Variants in SEC61B observed in about 807,000 individuals in gnomAD.
SEC61B encodes protein transport protein Sec61 subunit beta.
In SEC61B, 7 loss-of-function variants were observed where a neutral mutation model predicts 12.6. That is an observed-to-expected ratio of 0.55 (90% confidence interval 0.32 to 1.04). The LOEUF is 1.04. Among genes scored for constraint, SEC61B ranks in the 50% least tolerant of loss-of-function variants. The probability of loss-of-function intolerance (pLI) is 0.05; values close to 1 mark genes in which losing one functional copy is unlikely to be tolerated. For synonymous variants in SEC61B, 54 were observed against 50.1 expected (o/e 1.08, Z -0.33); for missense variants, 107 against 130.1 (o/e 0.82, Z 0.86).
intron 3 of SEC61B, among the ~76,000 whole-genome samples, chr9:99,228,911 A>G (rs1000847576): frequency 2.6e-5 from 4 of 152,322 alleles, no homozygotes; most frequent in Non-Finnish European, 5.9e-5. Context: ...ATTAAGTCCT[A>G]TGCTCTTTGC....
Position 99,222,605 on chromosome 9 carries a change from A to T in SEC61B, c.63A>T (p.Ala21=). Residue 21 remains alanine (A), a synonymous_variant, in exon 2 of 4, where the codon GCA becomes GCT. Transcript: ENST00000223641. ...CCTCAGGGCGCTCTCCCAGCAAAGCAGTGGCCGCCCGGGCGGCGGGATCCA... is the reference window on the plus strand; with the variant it reads ...CCTCAGGGCGCTCTCCCAGCAAAGCTGTGGCCGCCCGGGCGGCGGGATCCA... ...VGSSGRSPSK[A]VAARAAGSTV... 1 of 1,551,388 alleles carries T rather than the reference A, an allele frequency of 6.4e-7. No individual in the cohort carries two copies.
At chr9:99,225,035 T>G (rs1303149786) in intron 2 of SEC61B, among the ~76,000 whole-genome samples, 1 of 152,172 alleles carries the variant, frequency 6.6e-6, no homozygotes, top group South Asian at 2.1e-4. Flanking sequence ...ACTGTAAAGG[T>G]GTGAAGTGCC....
At chr9:99,226,852 T>C (rs1226036266) in intron 2 of SEC61B, among the ~76,000 whole-genome samples, 1 of 152,160 alleles carries the variant, frequency 6.6e-6, no homozygotes, top group Non-Finnish European at 1.5e-5. Flanking sequence ...GTGTATTACA[T>C]AGTGTATCTT....
intron 2 of SEC61B, among the ~76,000 whole-genome samples, chr9:99,224,358 C>T (rs1021151196): frequency 6.6e-6 from 1 of 152,138 alleles, no homozygotes; most frequent in African/African-American, 2.4e-5. Context: ...GTCCCCTTCC[C>T]ACCCTGGGTT....
intron 1 of SEC61B, 29 bp from the exon 2 acceptor site, chr9:99,222,517 C>T (rs369364624): frequency 1.9e-6 from 3 of 1,603,182 alleles, no homozygotes; most frequent in East Asian, 4.5e-5. Context: ...GCCGCGCTCA[C>T]CCGTCTGTCT....
intron 2 of SEC61B, among the ~76,000 whole-genome samples, chr9:99,227,520 G>A (rs1828912894): frequency 6.6e-6 from 1 of 152,164 alleles, no homozygotes; most frequent in Admixed American, 6.5e-5. Flanking sequence ...AGGAGAAAGT[G>A]AAATGCTTTG....
At position 99,229,399 on chromosome 9, in the gene SEC61B, A is replaced by G. The variant is rs549696147; in HGVS notation, c.204-938A>G. ...GAGTGCAATGGCATGATCATAGCTC[A>G]TTGTAGTCTTGAATTCCTGGGCTCA... is the stretch of plus-strand genomic sequence containing the variant. On this transcript the variant is annotated intron_variant, in intron 3 of 3. Coordinates refer to ENST00000223641, the MANE Select transcript of SEC61B (RefSeq NM_006808.3). 9.2e-5 allele frequency among the ~76,000 whole-genome samples: 14 copies of G among 152,212 alleles called. No individual in the cohort carries two copies. The South Asian group carries it at 2.3e-3, about 25-fold the overall frequency.
At position 99,222,295 on chromosome 9, in the gene SEC61B, G is replaced by A; in HGVS notation, c.-69G>A. ...GGGGCCTGAGTCAGTCTCGCCAGCT[G>A]CCGGTCTTTCGGGGGCTCCGTAACT... On this transcript the variant is annotated 5_prime_UTR_variant, in exon 1 of 4. Transcript: ENST00000223641. 3 of 1,612,700 alleles carry A rather than the reference G, an allele frequency of 1.9e-6. No homozygotes were observed. The highest frequency in any genetic ancestry group is 1.1e-5 in the South Asian group (1 of 91,068).
intron 2 of SEC61B, among the ~76,000 whole-genome samples, chr9:99,223,335 A>AC (rs200362833): frequency 0.063 from 9,397 of 148,834 alleles, 357 homozygotes; most frequent in South Asian, 0.098. Context: ...AAACAAACAA[A>AC]AAAAAAAAAC....
intron 3 of SEC61B, among the ~76,000 whole-genome samples, 183 bp downstream of exon 3, chr9:99,228,183 C>T (rs1016614307): frequency 2.0e-5 from 3 of 152,066 alleles, no homozygotes; most frequent in Non-Finnish European, 4.4e-5. Context: ...ATTGTAGGGC[C>T]GGGAATGACA....
At chr9:99,228,979 T>C (rs557673095) in intron 3 of SEC61B, among the ~76,000 whole-genome samples, 1 of 152,370 alleles carries the variant, frequency 6.6e-6, no homozygotes, top group East Asian at 1.9e-4. Context: ...GGATTAGTTT[T>C]AATTAATTTG....
Position 99,230,436 on chromosome 9 carries a change from T to A in SEC61B, c.*12T>A, listed in dbSNP as rs200364807. The A allele has an allele frequency of 1.6e-3, 2,420 of 1,553,626 alleles. 5 individuals are homozygous for A. The highest frequency in any genetic ancestry group is 3.6e-3 in the South Asian group (319 of 88,356). On this transcript the variant is annotated 3_prime_UTR_variant, in exon 4 of 4. Coordinates refer to ENST00000223641, the MANE Select transcript of SEC61B (RefSeq NM_006808.3). ...ACACTCGTTCGTAGATTCAGTTACA[T>A]CCATCTGTCATCTGAAGAAGGAGGA...
rs1828832882 is a variant in SEC61B, at chr9:99,222,309, G to A, written c.-55G>A. The A allele has an allele frequency of 1.2e-6, 2 of 1,613,926 alleles. No homozygotes were observed. Among genetic ancestry groups the A allele is most frequent in the African/African-American group, 1.3e-5 (1 of 75,008 alleles). On this transcript the variant is annotated 5_prime_UTR_variant, in exon 1 of 4. Coordinates refer to ENST00000223641, the MANE Select transcript of SEC61B (RefSeq NM_006808.3). ...TCTCGCCAGCTGCCGGTCTTTCGGG[G>A]GCTCCGTAACTTTCTATCCGTCCGC...
Position 99,222,560 on chromosome 9 carries a change from C to T in SEC61B, c.18C>T (p.Pro6=), listed in dbSNP as rs538436264. 1.3e-6 allele frequency: 2 copies of T among 1,578,530 alleles called. No homozygotes were observed. Among genetic ancestry groups the T allele is most frequent in the East Asian group, 2.3e-5 (1 of 42,600 alleles). ...TCCCTCTACAGCCTGGTCCGACCCC[C>T]AGTGGCACTAACGTGGGATCCTCAG... is the stretch of plus-strand genomic sequence containing the variant. MPGPT[P]SGTNVGSSGR... Residue 6 remains proline (P), a synonymous_variant, in exon 2 of 4, where the codon CCC becomes CCT. Coordinates refer to ENST00000223641, the MANE Select transcript of SEC61B (RefSeq NM_006808.3).
intron 3 of SEC61B, among the ~76,000 whole-genome samples, chr9:99,228,457 G>A (rs1828924969): frequency 6.6e-6 from 1 of 152,190 alleles, no homozygotes. Context: ...GAGTTCCTTG[G>A]CCTCTTTGCC....
Position 99,227,897 on chromosome 9 carries a change from A to G in SEC61B, c.102-2A>G, listed in dbSNP as rs1480471060. The G allele has an allele frequency of 6.2e-7, 1 of 1,612,650 alleles. No homozygotes were observed. On this transcript the variant is annotated splice_acceptor_variant, in intron 2 of 3. Coordinates refer to ENST00000223641, the MANE Select transcript of SEC61B (RefSeq NM_006808.3). LOFTEE classifies it high-confidence loss of function. Reference sequence around the variant, plus strand: ...CATTTGTAACATTTTCCTCTCTTTCAGGAAAAATGCCAGCTGTGGGACAAG... The same window carrying G: ...CATTTGTAACATTTTCCTCTCTTTCGGGAAAAATGCCAGCTGTGGGACAAG...
chr9:99,230,310 A>C, intron 3 of SEC61B, 27 bp from the exon 4 acceptor site: 10 of 1,405,818 alleles, frequency 7.1e-6, no homozygotes, highest in Non-Finnish European at 9.0e-6. Context: ...TACTAAAAGT[A>C]AGCATGCTTT....
chr9:99,230,380 T>G lies in SEC61B; in HGVS notation c.247T>G (p.Ser83Ala). Residue 83 changes from serine (S) to alanine (A), a missense_variant, in exon 4 of 4, where the codon TCT (serine) becomes GCT (alanine). Ser to Ala is a moderately conservative substitution (Grantham distance 99, BLOSUM62 1). Coordinates refer to ENST00000223641, the MANE Select transcript of SEC61B (RefSeq NM_006808.3). ...GGTTATGAGTCTTCTGTTCATCGCT[T>G]CTGTATTTATGTTGCACATTTGGGG... ...VLVMSLLFIA[S>A]VFMLHIWGKY... 6.2e-7 allele frequency: 1 copy of G among 1,611,692 alleles called. No individual in the cohort carries two copies. The highest frequency in any genetic ancestry group is 8.5e-7 in the Non-Finnish European group (1 of 1,178,840).
At chr9:99,222,417 C>G (rs1370077687) in intron 1 of SEC61B, 51 bp downstream of exon 1, 6 of 1,613,628 alleles carry the variant, frequency 3.7e-6, no homozygotes, top group African/African-American at 1.3e-5. Flanking sequence ...CCTGACTCCT[C>G]CTGCTTTGCG....
Sources: allele counts gnomAD v4.1 joint callset (sites outside exome capture counted in the v4.1 genomes callset), GRCh38; gene constraint gnomAD v4.1.1; transcripts MANE v1.5; gene names NCBI Gene and HGNC (gene_info 2026-07-23, HGNC 2026-07-21).